The following NBEA variants were observed in gnomAD, a reference collection of about 807,000 sequenced individuals.
NBEA encodes lysosomal-trafficking regulator 2.
NBEA carries 44 observed loss-of-function variants against 343.4 expected under a neutral mutation model. The ratio of observed to expected loss-of-function variants is 0.13; its 90% CI spans 0.10 to 0.16. The LOEUF (loss-of-function observed/expected upper bound fraction) is 0.16. Among genes scored for constraint, NBEA ranks in the 10% least tolerant of loss-of-function variants. The pLI is 1.00. For synonymous variants in NBEA, 1,175 were observed against 1,238.7 expected, an observed-to-expected ratio of 0.95 and a Z score of 1.08; for missense variants, 2,555 against 3,631.3, an observed-to-expected ratio of 0.70 and a Z score of 7.62.
Position 35,070,814 on chromosome 13 carries a change from T to G in NBEA, c.1533T>G (p.Asn511Lys), listed in dbSNP as rs1011385977. The G allele has an allele frequency of 6.2e-7, 1 of 1,610,434 alleles. No individual in the cohort carries two copies. Among genetic ancestry groups the G allele is most frequent in the Non-Finnish European group, 8.5e-7 (1 of 1,178,864 alleles). Residue 511 changes from asparagine (N) to lysine (K), a missense_variant, in exon 10 of 59, where the codon AAT becomes AAG. Physicochemically the swap from Asn to Lys is moderately conservative, Grantham distance 94 (BLOSUM62 0). Coordinates refer to ENST00000379939, the MANE Select transcript of NBEA (RefSeq NM_001385012.1). ...TTCCACTTTTTGCCCAATTGGATAATAGGCAGCTCAATGACAGTCAAGTGG... is the reference window on the plus strand; with the variant it reads ...TTCCACTTTTTGCCCAATTGGATAAGAGGCAGCTCAATGACAGTCAAGTGG... ...VLFPLFAQLD[N>K]RQLNDSQVET...
intron 43 of NBEA, among the ~76,000 whole-genome samples, chr13:35,554,360 T>C (rs763911220): frequency 1.0e-3 from 159 of 152,338 alleles, no homozygotes; most frequent in Non-Finnish European, 1.8e-3. Context: ...CTTTTGTTAT[T>C]TTTAGATGAA....
In NBEA at chr13:35,618,449, G is replaced by A. The variant is rs921956320; in HGVS notation, c.7450-9632G>A. ...TTTTTAAAAAATGAAGCAGTACTTT[G>A]TTGTTTAAGTTATGGACAATAACAT... On this transcript the variant is annotated intron_variant, in intron 48 of 58. Coordinates refer to ENST00000379939, the MANE Select transcript of NBEA (RefSeq NM_001385012.1). 7.9e-5 allele frequency among the ~76,000 whole-genome samples: 12 copies of A among 152,200 alleles called. No individual in the cohort carries two copies. The South Asian group carries it at 1.0e-3, about 13-fold the overall frequency.
intron 1 of NBEA, among the ~76,000 whole-genome samples, chr13:35,025,262 A>G (rs1270293098): frequency 6.6e-6 from 1 of 152,176 alleles, no homozygotes; most frequent in African/African-American, 2.4e-5. Flanking sequence ...ACCTATGTCT[A>G]GAAGGCTATT....
At chr13:35,395,484 A>G (rs566360956) in intron 38 of NBEA, among the ~76,000 whole-genome samples, 11 of 152,120 alleles carry the variant, frequency 7.2e-5, no homozygotes, top group South Asian at 4.2e-4. Flanking sequence ...TATATTTCCT[A>G]TATAGCCTAC....
chr13:35,440,701 C>T (rs549981419), intron 39 of NBEA, among the ~76,000 whole-genome samples: 12 of 152,128 alleles, frequency 7.9e-5, no homozygotes, highest in African/African-American at 2.7e-4. Context: ...AGGGGATTGT[C>T]GTTAAACAAT....
At chr13:35,169,873 C>T (rs1404709564) in intron 25 of NBEA, among the ~76,000 whole-genome samples, 2 of 151,694 alleles carry the variant, frequency 1.3e-5, no homozygotes, top group Non-Finnish European at 1.5e-5. Flanking sequence ...AAAGAATCTG[C>T]ATTTTAAAAT....
At chr13:35,332,588 A>G (rs2038991457) in intron 36 of NBEA, among the ~76,000 whole-genome samples, 1 of 152,126 alleles carries the variant, frequency 6.6e-6, no homozygotes, top group Non-Finnish European at 1.5e-5. Flanking sequence ...TAATAAGTTT[A>G]ACTATTATCT....
intron 38 of NBEA, among the ~76,000 whole-genome samples, chr13:35,354,591 T>G (rs1038477479): frequency 6.6e-6 from 1 of 151,748 alleles, no homozygotes; most frequent in Non-Finnish European, 1.5e-5. Context: ...TAGTTTCTAC[T>G]GCCAACTATC....
chr13:35,392,233 A>G (rs2042538700), intron 38 of NBEA, among the ~76,000 whole-genome samples: 1 of 152,070 alleles, frequency 6.6e-6, no homozygotes, highest in Non-Finnish European at 1.5e-5. Flanking sequence ...AAAAGAAAAG[A>G]TTTATGTTTA....
chr13:35,416,085 G>T (rs1321936826), intron 38 of NBEA, among the ~76,000 whole-genome samples: 1 of 152,102 alleles, frequency 6.6e-6, no homozygotes, highest in Admixed American at 6.5e-5. Flanking sequence ...GATTGATTTT[G>T]TATCCTGAGA....
intron 17 of NBEA, among the ~76,000 whole-genome samples, chr13:35,139,456 T>C (rs2067945929): frequency 2.0e-5 from 3 of 152,152 alleles, no homozygotes; most frequent in Non-Finnish European, 4.4e-5. Flanking sequence ...CTAATACATC[T>C]ATAATGTGCA....
chr13:35,306,105 T>G (rs750123156), intron 35 of NBEA, among the ~76,000 whole-genome samples: 9 of 152,158 alleles, frequency 5.9e-5, no homozygotes, highest in Non-Finnish European at 1.0e-4. Flanking sequence ...AGATTTACTT[T>G]CTTCCATCTT....
In NBEA at chr13:35,559,732, G is replaced by A. The variant is rs904125424; in HGVS notation, c.6922+4630G>A. Among the ~76,000 whole-genome samples the A allele has an allele frequency of 1.6e-4, 25 of 152,052 alleles. No individual in the cohort carries two copies. The East Asian group carries it at 4.9e-3, about 30-fold the overall frequency. ...AGATGGAGACCATCCTGGCTAACAC[G>A]GTGAAACCCCGTCTCTACTAAAAAT... is the stretch of plus-strand genomic sequence containing the variant. On this transcript the variant is annotated intron_variant, in intron 44 of 58. Coordinates refer to ENST00000379939, the MANE Select transcript of NBEA (RefSeq NM_001385012.1).
chr13:35,008,245 G>GT (rs1343037294), intron 1 of NBEA, among the ~76,000 whole-genome samples: 3 of 152,140 alleles, frequency 2.0e-5, no homozygotes, highest in Non-Finnish European at 4.4e-5. Flanking sequence ...CAGTTTAGTG[G>GT]TTTTAGTATA....
chr13:35,243,003 TTTA>T (rs1488170680), intron 34 of NBEA, among the ~76,000 whole-genome samples: 1 of 151,800 alleles, frequency 6.6e-6, no homozygotes, highest in African/African-American at 2.4e-5. Context: ...ATATGAAAAC[TTTA>T]TTATTATAAT....
intron 53 of NBEA, among the ~76,000 whole-genome samples, chr13:35,654,392 C>T (rs1593484182): frequency 6.6e-6 from 1 of 152,208 alleles, no homozygotes; most frequent in Non-Finnish European, 1.5e-5. Context: ...TTGCTCAAAT[C>T]TCTACCCTCC....
At chr13:35,636,359 CAA>C (rs916153610) in intron 49 of NBEA, among the ~76,000 whole-genome samples, 2 of 152,090 alleles carry the variant, frequency 1.3e-5, no homozygotes, top group Non-Finnish European at 2.9e-5. Context: ...CCATTTATGT[CAA>C]AATCAAGAAT....
At chr13:35,630,519 T>C (rs1215215688) in intron 49 of NBEA, among the ~76,000 whole-genome samples, 1 of 152,196 alleles carries the variant, frequency 6.6e-6, no homozygotes, top group Non-Finnish European at 1.5e-5. Flanking sequence ...GCAGACTCTC[T>C]GCTACTAGGG....
chr13:35,092,363 A>C (rs1012249279), intron 10 of NBEA, among the ~76,000 whole-genome samples: 2 of 151,990 alleles, frequency 1.3e-5, no homozygotes, highest in Admixed American at 6.6e-5. Context: ...TAAAAAAGGG[A>C]TAAATTTCGT....
Sources: allele counts gnomAD v4.1 joint callset (sites outside exome capture counted in the v4.1 genomes callset), GRCh38; gene constraint gnomAD v4.1.1; transcripts MANE v1.5; gene names NCBI Gene and HGNC (gene_info 2026-07-23, HGNC 2026-07-21).